Variants in PARN observed in about 807,000 individuals in gnomAD.
PARN encodes the protein poly(A)-specific ribonuclease PARN.
In PARN, 71 loss-of-function variants were observed where a neutral mutation model predicts 102.8. The ratio of observed to expected loss-of-function variants is 0.69; its 90% CI spans 0.57 to 0.84. The LOEUF (loss-of-function observed/expected upper bound fraction) is 0.84. Among genes scored for constraint, PARN ranks in the 40% least tolerant of loss-of-function variants. The pLI, the probability that PARN is intolerant of heterozygous loss-of-function variation, is 0.00. For synonymous variants in PARN, 261 were observed against 252.9 expected, an observed-to-expected ratio of 1.03 and a Z score of -0.30; for missense variants, 782 against 760.9, an observed-to-expected ratio of 1.03 and a Z score of -0.33.
chr16:14,630,101 A>G lies in PARN; in HGVS notation c.19+6T>C, dbSNP rs1433070816. ...GGAGGCGGGGAGGTGTACGGCGGAC[A>G]CGCACTGCTCCTGATTATCTCCATT... On this transcript the variant is annotated splice_donor_region_variant and intron_variant, in intron 1 of 23. Transcript: ENST00000437198. The G allele has an allele frequency of 6.4e-7, 1 of 1,559,848 alleles. No homozygotes were observed. Among genetic ancestry groups the G allele is most frequent in the South Asian group, 1.2e-5 (1 of 84,844 alleles).
intron 5 of PARN, among the ~76,000 whole-genome samples, chr16:14,619,245 T>C (rs2151811406): frequency 6.6e-6 from 1 of 152,050 alleles, no homozygotes; most frequent in South Asian, 2.1e-4. Context: ...TAATAAGCCT[T>C]ACGAAACAAA....
intron 20 of PARN, among the ~76,000 whole-genome samples, chr16:14,552,674 C>T (rs1197224669): frequency 6.6e-6 from 1 of 152,042 alleles, no homozygotes; most frequent in Non-Finnish European, 1.5e-5. Context: ...AGAGGCCGGG[C>T]GCGGTGGCTC....
At chr16:14,623,137 G>A (rs1485606942) in intron 5 of PARN, among the ~76,000 whole-genome samples, 1 of 151,738 alleles carries the variant, frequency 6.6e-6, no homozygotes, top group Non-Finnish European at 1.5e-5. Context: ...GTGTGTCTAG[G>A]CATATGTCTA....
At chr16:14,606,073 T>C (rs192219413) in intron 10 of PARN, among the ~76,000 whole-genome samples, 1 of 152,084 alleles carries the variant, frequency 6.6e-6, no homozygotes, top group Non-Finnish European at 1.5e-5. Context: ...ACCTAGCTCA[T>C]AACAAGCACA....
At position 14,553,259 on chromosome 16, in the gene PARN, A is replaced by T. The variant is rs1477500925; in HGVS notation, c.1405+806T>A. Among the ~76,000 whole-genome samples, 13 of 52,394 alleles carry T rather than the reference A, an allele frequency of 2.5e-4. No individual in the cohort carries two copies. The South Asian group carries it at 5.4e-3, about 22-fold the overall frequency. 34.4% of individuals were successfully genotyped at this position (52,394 alleles called of 152,430 possible). On this transcript the variant is annotated intron_variant, in intron 20 of 23. Transcript: ENST00000437198. ...ACAGGAAGACCCTATTTCTATTTAA[A>T]AAAAAAAAAAAAAAAAAAAGAAAGA...
chr16:14,552,338 T>C (rs1349895816), intron 20 of PARN, among the ~76,000 whole-genome samples: 1 of 152,152 alleles, frequency 6.6e-6, no homozygotes, highest in Non-Finnish European at 1.5e-5. Context: ...CTATTAGAAA[T>C]TTAACACAAT....
intron 21 of PARN, among the ~76,000 whole-genome samples, chr16:14,498,714 T>A (rs1964441278): frequency 6.6e-6 from 1 of 152,220 alleles, no homozygotes; most frequent in South Asian, 2.1e-4. Context: ...AGGAAGGGAA[T>A]GAAATCCTCT....
At chr16:14,447,196 A>G in intron 22 of PARN, 115 bp from the exon 23 acceptor site, 1 of 587,862 alleles carries the variant, frequency 1.7e-6, no homozygotes, top group Non-Finnish European at 2.8e-6. Context: ...CATCAACAAC[A>G]TGGGCAGCTG....
At chr16:14,456,459 C>A (rs1247141116) in intron 22 of PARN, among the ~76,000 whole-genome samples, 3 of 152,102 alleles carry the variant, frequency 2.0e-5, no homozygotes, top group African/African-American at 7.2e-5. Context: ...TAGGCGTGAA[C>A]CATCATGCCT....
intron 11 of PARN, among the ~76,000 whole-genome samples, chr16:14,601,529 G>A (rs1012348405): frequency 6.6e-6 from 1 of 152,162 alleles, no homozygotes; most frequent in Non-Finnish European, 1.5e-5. Flanking sequence ...GGATGGTGGT[G>A]ATGATTGCAC....
At chr16:14,483,552 T>G (rs750822383) in intron 21 of PARN, among the ~76,000 whole-genome samples, 3 of 152,340 alleles carry the variant, frequency 2.0e-5, no homozygotes, top group Non-Finnish European at 4.4e-5. Context: ...TTTTAAATGA[T>G]CAGGCTTTAT....
chr16:14,618,778 T>C (rs1025816212), intron 5 of PARN, among the ~76,000 whole-genome samples: 8 of 152,180 alleles, frequency 5.3e-5, no homozygotes, highest in Non-Finnish European at 8.8e-5. Flanking sequence ...CTAGTATGTA[T>C]TTTATTACCC....
intron 21 of PARN, among the ~76,000 whole-genome samples, chr16:14,527,239 C>T (rs140106815): frequency 1.1e-4 from 17 of 152,296 alleles, no homozygotes; most frequent in South Asian, 2.1e-4. Context: ...TTTTACCTGA[C>T]GACATGATAA....
intron 15 of PARN, 56 bp from the exon 16 acceptor site, chr16:14,584,478 A>G (rs1969722119): frequency 2.1e-6 from 3 of 1,414,378 alleles, no homozygotes; most frequent in Admixed American, 1.8e-5. Context: ...ACAATATATT[A>G]AAGAGATTCA....
chr16:14,557,191 C>CA (rs1348589894), intron 18 of PARN, among the ~76,000 whole-genome samples: 1 of 152,104 alleles, frequency 6.6e-6, no homozygotes, highest in African/African-American at 2.4e-5. Context: ...ATTAAAAAGG[C>CA]AATCTATCTG....
chr16:14,590,460 T>C (rs1171366550), intron 13 of PARN, among the ~76,000 whole-genome samples: 1 of 150,338 alleles, frequency 6.7e-6, no homozygotes, highest in Non-Finnish European at 1.5e-5. Flanking sequence ...CATGGTGAAA[T>C]CCCGTCTCTA....
At chr16:14,577,646 TTTAC>T (rs1166734403) in intron 18 of PARN, among the ~76,000 whole-genome samples, 3 of 152,194 alleles carry the variant, frequency 2.0e-5, no homozygotes, top group South Asian at 2.1e-4. Context: ...GAAAACCCAC[TTTAC>T]TTACTTACTT....
At chr16:14,515,319 C>G (rs1965406957) in intron 21 of PARN, among the ~76,000 whole-genome samples, 1 of 152,104 alleles carries the variant, frequency 6.6e-6, no homozygotes, top group Non-Finnish European at 1.5e-5. Flanking sequence ...AACATGAATT[C>G]CACCTCAGGT....
At chr16:14,621,823 A>AG (rs1423149989) in intron 5 of PARN, among the ~76,000 whole-genome samples, 1 of 150,764 alleles carries the variant, frequency 6.6e-6, no homozygotes, top group Non-Finnish European at 1.5e-5. Context: ...AAAAAAAAAA[A>AG]CCTTTGAACT....
Sources: allele counts gnomAD v4.1 joint callset (sites outside exome capture counted in the v4.1 genomes callset), GRCh38; gene constraint gnomAD v4.1.1; transcripts MANE v1.5; gene names NCBI Gene and HGNC (gene_info 2026-07-23, HGNC 2026-07-21).